Variants in NRG2 observed in about 807,000 individuals in gnomAD.
The protein encoded by NRG2 is neuregulin 2, also known as pro-neuregulin-2, membrane-bound isoform.
NRG2 carries 27 observed loss-of-function variants against 73.9 expected under a neutral mutation model. That is an observed-to-expected ratio of 0.37 (90% CI 0.27 to 0.50). The LOEUF (loss-of-function observed/expected upper bound fraction) is 0.50. Ranked by LOEUF, NRG2 falls within the 20% of genes least tolerant of loss-of-function variation. The pLI is 0.96. For missense variants in NRG2, 1,126 were observed against 1,210.1 expected (o/e 0.93, Z 1.03); for synonymous variants, 532 against 541.0 (o/e 0.98, Z 0.23).
chr5:139,983,581 G>A (rs780961337), intron 1 of NRG2, among the ~76,000 whole-genome samples: 3 of 152,094 alleles, frequency 2.0e-5, no homozygotes, highest in East Asian at 3.9e-4. Flanking sequence ...CCTCAATCTC[G>A]TGATAAAGAG....
chr5:140,043,255 G>C lies in NRG2; in HGVS notation c.-186C>G. On this transcript the variant is annotated 5_prime_UTR_variant, in exon 1 of 10. Coordinates refer to ENST00000361474, the MANE Select transcript of NRG2 (RefSeq NM_004883.3). This position sits in a 1 kb window ranked among gnomAD's most constrained non-coding sequence, Gnocchi z 6.7. ...AGCGGGCCGCGATGCGCAGCGCGGC[G>C]CAGCGCAGCGCTCCCACCCTGTGCG... 4 of 602,830 alleles carry C rather than the reference G, an allele frequency of 6.6e-6. No homozygotes were observed. Among genetic ancestry groups the C allele is most frequent in the Non-Finnish European group, 1.1e-5 (4 of 354,584 alleles). 37.3% of individuals were successfully genotyped at this position (602,830 alleles called of 1,614,324 possible).
At position 139,865,576 on chromosome 5, in the gene NRG2, G is replaced by A. The variant is rs1250059467; in HGVS notation, c.1162C>T (p.Arg388Ter). ...GQRCLEKLPL[R>*]LYMPDPKQKA... ...TGCTTAGGATCTGGCATGTACAATC[G>A]CAAAGGCAGTTTCTCCAAACATCTC... Residue 388 changes from arginine (R) to a stop codon, truncating the protein, a stop_gained, in exon 5 of 10, where the codon CGA becomes TGA. Transcript: ENST00000361474. LOFTEE classifies it high-confidence loss of function. The surrounding 1 kb of genome is among the most constrained non-coding windows in gnomAD (Gnocchi z 5.2). 6 of 1,611,758 alleles carry A rather than the reference G, an allele frequency of 3.7e-6. No individual in the cohort carries two copies. Among genetic ancestry groups the A allele is most frequent in the African/African-American group, 1.3e-5 (1 of 74,704 alleles).
chr5:139,880,410 G>A (rs556830418), intron 3 of NRG2, among the ~76,000 whole-genome samples: 360 of 152,232 alleles, frequency 2.4e-3, no homozygotes, highest in African/African-American at 8.5e-3. Flanking sequence ...AGGGGCCCCA[G>A]GCATCCAAGC....
chr5:140,006,892 T>A (rs895105323), intron 1 of NRG2, among the ~76,000 whole-genome samples: 4 of 152,212 alleles, frequency 2.6e-5, no homozygotes, highest in African/African-American at 7.2e-5. Context: ...TAACCTGCCC[T>A]AGGGTCTTCC....
intron 3 of NRG2, among the ~76,000 whole-genome samples, chr5:139,878,286 C>A (rs1456856924): frequency 6.6e-6 from 1 of 152,258 alleles, no homozygotes; most frequent in Non-Finnish European, 1.5e-5. Context: ...GATGGCCCCA[C>A]CCTCCAAGCA....
intron 1 of NRG2, among the ~76,000 whole-genome samples, chr5:139,953,295 G>A (rs1057350806): frequency 7.9e-5 from 12 of 152,172 alleles, no homozygotes; most frequent in African/African-American, 2.9e-4. Flanking sequence ...AAGGGTTAAC[G>A]GACCTGGGGA....
At chr5:139,855,867 TA>T in intron 5 of NRG2, 89 bp from the exon 6 acceptor site, 1 of 997,442 alleles carries the variant, frequency 1.0e-6, no homozygotes. Context: ...CCCAAAGCCA[TA>T]GGCTCTCCCC....
chr5:139,940,595 T>C (rs1753317427), intron 1 of NRG2, among the ~76,000 whole-genome samples: 1 of 152,180 alleles, frequency 6.6e-6, no homozygotes, highest in South Asian at 2.1e-4. Flanking sequence ...TGGAATAGAC[T>C]CCAAAGTTCA....
At chr5:139,993,554 A>G (rs901290923) in intron 1 of NRG2, among the ~76,000 whole-genome samples, 2 of 152,208 alleles carry the variant, frequency 1.3e-5, no homozygotes, top group African/African-American at 4.8e-5. Flanking sequence ...ATAGTCTCAC[A>G]TCATTGTTTT....
intron 1 of NRG2, among the ~76,000 whole-genome samples, chr5:139,979,904 A>C (rs1756664100): frequency 6.6e-6 from 1 of 152,238 alleles, no homozygotes; most frequent in South Asian, 2.1e-4. Context: ...GTAAGTCTAA[A>C]TTTTGAAATG....
At chr5:139,947,873 T>C (rs1753913449) in intron 1 of NRG2, among the ~76,000 whole-genome samples, 1 of 152,216 alleles carries the variant, frequency 6.6e-6, no homozygotes, top group African/African-American at 2.4e-5. Flanking sequence ...CCTGTTTAGA[T>C]CCTTTACCAG....
intron 1 of NRG2, among the ~76,000 whole-genome samples, chr5:139,978,901 A>C (rs945608516): frequency 3.3e-5 from 5 of 152,080 alleles, no homozygotes; most frequent in African/African-American, 1.2e-4. Context: ...AATACTATGC[A>C]GCCATAAAAA....
chr5:139,948,955 C>T (rs1469020146), intron 1 of NRG2, among the ~76,000 whole-genome samples: 1 of 151,782 alleles, frequency 6.6e-6, no homozygotes, highest in African/African-American at 2.4e-5. Flanking sequence ...CACAGGCAGC[C>T]ATGTTCAATT....
chr5:139,953,164 G>T (rs966232107), intron 1 of NRG2, among the ~76,000 whole-genome samples: 7 of 152,148 alleles, frequency 4.6e-5, no homozygotes, highest in African/African-American at 1.7e-4. Context: ...GGCTGTGGCC[G>T]CCCTTGTGCT....
At chr5:139,884,478 A>G (rs1277908619) in intron 2 of NRG2, among the ~76,000 whole-genome samples, 1 of 152,196 alleles carries the variant, frequency 6.6e-6, no homozygotes, top group African/African-American at 2.4e-5. Context: ...AAGAGCCCCA[A>G]GGCTGTACCT....
chr5:140,004,301 C>G (rs925994214), intron 1 of NRG2, among the ~76,000 whole-genome samples: 2 of 152,076 alleles, frequency 1.3e-5, no homozygotes, highest in Admixed American at 6.5e-5. Context: ...CAGAGGAAAA[C>G]CACCGTCAGG....
intron 1 of NRG2, among the ~76,000 whole-genome samples, chr5:139,917,373 T>C (rs1028618042): frequency 6.6e-6 from 1 of 152,132 alleles, no homozygotes; most frequent in Non-Finnish European, 1.5e-5. Context: ...CACCTCAGCC[T>C]CTTGAGTAGC....
intron 2 of NRG2, among the ~76,000 whole-genome samples, chr5:139,881,329 A>T (rs779083475): frequency 6.6e-6 from 1 of 152,128 alleles, no homozygotes; most frequent in Non-Finnish European, 1.5e-5. Flanking sequence ...CCTCATTCCC[A>T]GCTGCCTCTG....
At chr5:139,874,900 C>G (rs1182832390) in intron 3 of NRG2, among the ~76,000 whole-genome samples, 4 of 152,234 alleles carry the variant, frequency 2.6e-5, no homozygotes, top group Non-Finnish European at 5.9e-5. Context: ...CTCAGGGAGG[C>G]CTCACCTGAC....
Sources: allele counts gnomAD v4.1 joint callset (sites outside exome capture counted in the v4.1 genomes callset), GRCh38; gene constraint gnomAD v4.1.1; non-coding constraint Gnocchi (gnomAD v3.1); transcripts MANE v1.5; gene names NCBI Gene and HGNC (gene_info 2026-07-23, HGNC 2026-07-21).